CTNND2: variants seen among roughly 807,000 people sequenced by gnomAD.
CTNND2 encodes catenin delta 2, also known as catenin delta-2.
Under a neutral mutation model 144.4 loss-of-function variants are expected in CTNND2, and 22 were observed. The ratio of observed to expected loss-of-function variants is 0.15; its 90% CI spans 0.11 to 0.22. The LOEUF (loss-of-function observed/expected upper bound fraction) is 0.22, where lower values mean the gene tolerates loss of function less well. CTNND2 is among the 10% of genes least tolerant of loss of function. CTNND2 has a pLI of 1.00. For synonymous variants in CTNND2, 751 were observed against 695.6 expected, an observed-to-expected ratio of 1.08 and a Z score of -1.25; for missense variants, 1,353 against 1,618.8, an observed-to-expected ratio of 0.84 and a Z score of 2.82.
At chr5:11,347,403 C>T (rs1015861029) in intron 8 of CTNND2, among the ~76,000 whole-genome samples, 5 of 152,226 alleles carry the variant, frequency 3.3e-5, no homozygotes, top group Non-Finnish European at 5.9e-5. Context: ...GAAGATTTTA[C>T]ACTAGTTACT....
chr5:11,440,219 T>A (rs905249201), intron 3 of CTNND2, among the ~76,000 whole-genome samples: 2 of 152,226 alleles, frequency 1.3e-5, no homozygotes, highest in Non-Finnish European at 2.9e-5. Context: ...TTAACTTTAA[T>A]GTATACTAAA....
Position 11,611,733 on chromosome 5 carries a change from G to A in CTNND2, c.175-46677C>T, listed in dbSNP as rs149015536. ...GCCGAGGCTGCAGTGAGCCGAGATC[G>A]CGCCAATGCACTCCAGCCTGGACAA... On this transcript the variant is annotated intron_variant, in intron 2 of 21. Coordinates refer to ENST00000304623, the MANE Select transcript of CTNND2 (RefSeq NM_001332.4). Among the ~76,000 whole-genome samples, 464 of 152,264 alleles carry A rather than the reference G, an allele frequency of 3.0e-3. 2 individuals are homozygous for A. The highest frequency in any genetic ancestry group is 0.01 in the African/African-American group (434 of 41,554).
At chr5:11,431,271 T>C (rs73046151) in intron 3 of CTNND2, among the ~76,000 whole-genome samples, 3,509 of 152,244 alleles carry the variant, frequency 0.023, 128 homozygotes, top group African/African-American at 0.079. Context: ...ATTAAGTCCA[T>C]AGAGGTCAGG....
chr5:11,472,662 T>G (rs1447049851), intron 3 of CTNND2, among the ~76,000 whole-genome samples: 1 of 152,214 alleles, frequency 6.6e-6, no homozygotes, highest in Non-Finnish European at 1.5e-5. Flanking sequence ...ATCTTTGCAC[T>G]GTTAAGTTCT....
At chr5:11,246,954 G>A (rs558361770) in intron 9 of CTNND2, among the ~76,000 whole-genome samples, 1 of 152,116 alleles carries the variant, frequency 6.6e-6, no homozygotes. Flanking sequence ...TGATGTGTCC[G>A]ACATCGCAGG....
chr5:11,433,106 T>C lies in CTNND2; in HGVS notation c.288-21037A>G, dbSNP rs372497657. Among the ~76,000 whole-genome samples the C allele has an allele frequency of 4.6e-5, 7 of 151,830 alleles. No homozygotes were observed. The East Asian group carries it at 1.4e-3, about 29-fold the overall frequency. On this transcript the variant is annotated intron_variant, in intron 3 of 21. Coordinates refer to ENST00000304623, the MANE Select transcript of CTNND2 (RefSeq NM_001332.4). ...AAAAATACAAAAAAAATTAGCTGGG[T>C]GTGGTGGCAGAAGCCTGTAGTCCCA...
intron 3 of CTNND2, among the ~76,000 whole-genome samples, chr5:11,484,538 C>T (rs1038459256): frequency 2.0e-5 from 3 of 152,166 alleles, no homozygotes; most frequent in Non-Finnish European, 4.4e-5. Flanking sequence ...TATATTTATG[C>T]ACTAAGAAAG....
intron 13 of CTNND2, among the ~76,000 whole-genome samples, chr5:11,113,565 A>G (rs758423351): frequency 4.7e-4 from 71 of 152,330 alleles, no homozygotes; most frequent in South Asian, 8.3e-4. Flanking sequence ...GCGGAGAAAA[A>G]TATCCAATTT....
chr5:11,689,014 C>T (rs1255952196), intron 2 of CTNND2, among the ~76,000 whole-genome samples: 1 of 152,162 alleles, frequency 6.6e-6, no homozygotes, highest in African/African-American at 2.4e-5. Context: ...CGAACAGTAT[C>T]GATATCAAAG....
At chr5:11,205,925 C>T (rs1050962781) in intron 10 of CTNND2, among the ~76,000 whole-genome samples, 2 of 152,178 alleles carry the variant, frequency 1.3e-5, no homozygotes, top group African/African-American at 4.8e-5. Flanking sequence ...CGGTTTCCCC[C>T]AGGCAAGTTA....
chr5:11,693,582 C>G (rs1785004664), intron 2 of CTNND2, among the ~76,000 whole-genome samples: 1 of 152,180 alleles, frequency 6.6e-6, no homozygotes, highest in Admixed American at 6.5e-5. Context: ...TAGGAATTAA[C>G]AAATCTTCAA....
Position 11,310,802 on chromosome 5 carries a change from C to G in CTNND2, c.1628+35570G>C, listed in dbSNP as rs145819159. ...CTCACATACACACTCCCCATACACC[C>G]TCACCCCACATGCACTCACAGTCCC... On this transcript the variant is annotated intron_variant, in intron 9 of 21. Coordinates refer to ENST00000304623, the MANE Select transcript of CTNND2 (RefSeq NM_001332.4). 8.7e-3 allele frequency among the ~76,000 whole-genome samples: 1,315 copies of G among 150,796 alleles called. 7 individuals carry two copies. Among genetic ancestry groups the G allele is most frequent in the Non-Finnish European group, 0.013 (861 of 67,766 alleles).
chr5:11,554,194 A>C (rs1776018809), intron 3 of CTNND2, among the ~76,000 whole-genome samples: 1 of 152,214 alleles, frequency 6.6e-6, no homozygotes. Context: ...TGATAACATA[A>C]ACTCTTAAGC....
intron 3 of CTNND2, among the ~76,000 whole-genome samples, chr5:11,490,690 A>T (rs1463021210): frequency 6.6e-6 from 1 of 152,216 alleles, no homozygotes; most frequent in African/African-American, 2.4e-5. Flanking sequence ...TGCTTAGATA[A>T]TTTGCTTAGA....
At chr5:11,662,877 G>C (rs1396105340) in intron 2 of CTNND2, among the ~76,000 whole-genome samples, 1 of 152,118 alleles carries the variant, frequency 6.6e-6, no homozygotes, top group Non-Finnish European at 1.5e-5. Flanking sequence ...TGTCGAAAAG[G>C]CTGGAGATTT....
chr5:11,283,705 A>AAAGAG (rs1242454528), intron 9 of CTNND2, among the ~76,000 whole-genome samples: 12 of 123,380 alleles, frequency 9.7e-5, no homozygotes, highest in Admixed American at 1.7e-4. Flanking sequence ...AAAAAAAAAA[A>AAAGAG]AGAGAGAGAC....
At chr5:11,220,736 G>C (rs78271957) in intron 10 of CTNND2, among the ~76,000 whole-genome samples, 2 of 152,170 alleles carry the variant, frequency 1.3e-5, no homozygotes, top group Non-Finnish European at 2.9e-5. Flanking sequence ...GATTGGATAT[G>C]CCAGTATTAT....
chr5:11,618,149 T>C (rs961395146), intron 2 of CTNND2, among the ~76,000 whole-genome samples: 1 of 152,040 alleles, frequency 6.6e-6, no homozygotes, highest in African/African-American at 2.4e-5. Context: ...TGATGTCCAT[T>C]TCATGTCATT....
At chr5:11,517,399 A>G (rs1772262717) in intron 3 of CTNND2, among the ~76,000 whole-genome samples, 1 of 152,214 alleles carries the variant, frequency 6.6e-6, no homozygotes. Flanking sequence ...TCTCTCTACA[A>G]TAGGGTAACA....
Sources: allele counts gnomAD v4.1 joint callset (sites outside exome capture counted in the v4.1 genomes callset), GRCh38; gene constraint gnomAD v4.1.1; transcripts MANE v1.5; gene names NCBI Gene and HGNC (gene_info 2026-07-23, HGNC 2026-07-21).